HSPA5: variants seen among roughly 807,000 people sequenced by gnomAD.
HSPA5 encodes the protein endoplasmic reticulum chaperone BiP.
HSPA5 carries 16 observed loss-of-function variants against 49.5 expected under a neutral mutation model. The ratio of observed to expected loss-of-function variants is 0.32; its 90% CI spans 0.22 to 0.49. The LOEUF is 0.49. Ranked by LOEUF, HSPA5 falls within the 20% of genes least tolerant of loss-of-function variation. HSPA5 has a pLI of 0.99. For synonymous variants in HSPA5, 271 were observed against 307.2 expected, an observed-to-expected ratio of 0.88 and a Z score of 1.23; for missense variants, 376 against 819.0, an observed-to-expected ratio of 0.46 and a Z score of 6.60.
In HSPA5 at chr9:125,237,222, A is replaced by G. The variant is rs10986663; in HGVS notation, c.1403-68T>C. 10,504 of 1,143,156 alleles carry G rather than the reference A, an allele frequency of 9.2e-3. 508 individuals carry two copies. The Admixed American group carries it at 0.1, about 11-fold the overall frequency. 70.8% of individuals were successfully genotyped at this position (1,143,156 alleles called of 1,614,324 possible). ...AGCATTAGCACATCTAGATCCCCGCATTTCAGTCTGAAGCATAAAGTGACA... is the reference window on the plus strand; with the variant it reads ...AGCATTAGCACATCTAGATCCCCGCGTTTCAGTCTGAAGCATAAAGTGACA... On this transcript the variant is annotated intron_variant, in intron 7 of 7. Coordinates refer to ENST00000324460, the MANE Select transcript of HSPA5 (RefSeq NM_005347.5).
At chr9:125,237,199 C>A in intron 7 of HSPA5, 45 bp from the exon 8 acceptor site, 1 of 1,357,666 alleles carries the variant, frequency 7.4e-7, no homozygotes, top group Non-Finnish European at 1.0e-6. Flanking sequence ...TACTGACAAG[C>A]ATTAGCACAT....
chr9:125,238,423 A>C, intron 6 of HSPA5, 115 bp from the exon 7 acceptor site: 1 of 1,037,614 alleles, frequency 9.6e-7, no homozygotes, highest in Non-Finnish European at 1.4e-6. Context: ...GCAGTGAATT[A>C]AACAGTTGCT....
intron 5 of HSPA5, 41 bp downstream of exon 5, chr9:125,238,900 T>C (rs377636827): frequency 1.7e-4 from 270 of 1,604,812 alleles, no homozygotes; most frequent in Non-Finnish European, 2.1e-4. Flanking sequence ...ATTCAGAGTC[T>C]AAGGAGATCT....
Position 125,238,704 on chromosome 9 carries a change from G to A in HSPA5, c.1120C>T (p.Leu374=), listed in dbSNP as rs1046058280. The part of the protein sequence containing the change: ...GSTRIPKIQQ[L]VKEFFNGKEP... Reference sequence around the variant, plus strand: ...TTGCCATTGAAGAACTCTTTAACCAGTTGCTGAATCTTTGGAATTCGAGTC... The same window carrying A: ...TTGCCATTGAAGAACTCTTTAACCAATTGCTGAATCTTTGGAATTCGAGTC... The change falls in exon 6 of 8, where the codon CTG becomes TTG. Residue 374 remains leucine (L), a synonymous_variant. Coordinates refer to ENST00000324460, the MANE Select transcript of HSPA5 (RefSeq NM_005347.5). 6.2e-7 allele frequency: 1 copy of A among 1,614,136 alleles called. No homozygotes were observed. Among genetic ancestry groups the A allele is most frequent in the South Asian group, 1.1e-5 (1 of 91,078 alleles).
Position 125,241,130 on chromosome 9 carries a change from G to T in HSPA5, c.-4C>A, listed in dbSNP as rs1212742633. 1.4e-5 allele frequency: 22 copies of T among 1,609,958 alleles called. No homozygotes were observed. The highest frequency in any genetic ancestry group is 1.9e-5 in the Non-Finnish European group (22 of 1,178,614). ...CGGCCACCAGGGAGAGCTTCATCTT[G>T]CCAGCCAGTTGGGCAGCAGCAGGCA... On this transcript the variant is annotated 5_prime_UTR_variant, in exon 1 of 8. Transcript: ENST00000324460.
In HSPA5 at chr9:125,238,604, C is replaced by G; in HGVS notation, c.1220G>C (p.Gly407Ala). 6.2e-7 allele frequency: 1 copy of G among 1,613,442 alleles called. No homozygotes were observed. Among genetic ancestry groups the G allele is most frequent in the South Asian group, 1.1e-5 (1 of 91,062 alleles). The change falls in exon 6 of 8, where the codon GGT (glycine) becomes GCT (alanine). Residue 407 changes from glycine (G) to alanine (A), a missense_variant. By Grantham distance (60) the Gly-to-Ala change is moderately conservative. Coordinates refer to ENST00000324460, the MANE Select transcript of HSPA5 (RefSeq NM_005347.5). ...GAAVQAGVLS[G>A]DQDTGDLVLL... ...TGATGACCTACCTGTATCTTGATCACCAGAGAGCACACCAGCCTGGACAGC... is the reference window on the plus strand; with the variant it reads ...TGATGACCTACCTGTATCTTGATCAGCAGAGAGCACACCAGCCTGGACAGC...
Position 125,239,894 on chromosome 9 carries a change from A to G in HSPA5, c.492+278T>C, listed in dbSNP as rs2131454591. On this transcript the variant is annotated intron_variant, in intron 3 of 7. Coordinates refer to ENST00000324460, the MANE Select transcript of HSPA5 (RefSeq NM_005347.5). The surrounding 1 kb of genome is among the most constrained non-coding windows in gnomAD (Gnocchi z 5.5). ...CAGAGCAAGACTCCATCTCAAAAAA[A>G]AAAAATTACAGTCAAACCATCACTT... Among the ~76,000 whole-genome samples the G allele has an allele frequency of 6.6e-6, 1 of 152,268 alleles. No homozygotes were observed. Among genetic ancestry groups the G allele is most frequent in the Non-Finnish European group, 1.5e-5 (1 of 68,010 alleles).
Position 125,239,334 on chromosome 9 carries a change from A to G in HSPA5, c.606-3T>C, listed in dbSNP as rs776188137. 7.8e-5 allele frequency: 126 copies of G among 1,611,934 alleles called. No homozygotes were observed. The highest frequency in any genetic ancestry group is 1.0e-4 in the Non-Finnish European group (123 of 1,178,194). The stretch of plus-strand genomic sequence containing the variant: ...CATAAGCAATAGCAGCTGCCGTACT[A>G]TTAGATTGAAAAAGGGAAAAGTTTT... On this transcript the variant is annotated splice_region_variant and splice_polypyrimidine_tract_variant and intron_variant, in intron 4 of 7. Coordinates refer to ENST00000324460, the MANE Select transcript of HSPA5 (RefSeq NM_005347.5). This position sits in a 1 kb window ranked among gnomAD's most constrained non-coding sequence, Gnocchi z 5.5.
rs144050975 is a variant in HSPA5, at chr9:125,236,875, G to A, written c.1682C>T (p.Thr561Ile). 2.6e-4 allele frequency: 420 copies of A among 1,613,792 alleles called. No homozygotes were observed. The highest frequency in any genetic ancestry group is 3.2e-4 in the Non-Finnish European group (376 of 1,179,870). ...EDKKLKERID[T>I]RNELESYAYS... ...GGCATAGCTTTCCAACTCATTTCTA[G>A]TATCAATGCGCTCCTTGAGCTTTTT... Residue 561 changes from threonine to isoleucine, a missense_variant, in exon 8 of 8, where the codon ACT (threonine) becomes ATT (isoleucine). Thr to Ile is a moderately conservative substitution (Grantham distance 89). Transcript: ENST00000324460.
chr9:125,238,529 GCTAATGAGT>G, intron 6 of HSPA5, 52 bp downstream of exon 6: 1 of 1,349,538 alleles, frequency 7.4e-7, no homozygotes, highest in Admixed American at 1.7e-5. Flanking sequence ...TAAAGCAATA[GCTAATGAGT>G]CTTCCATCAA....
chr9:125,239,594 A>G lies in HSPA5; in HGVS notation c.493-61T>C. On this transcript the variant is annotated intron_variant, in intron 3 of 7. Coordinates refer to ENST00000324460, the MANE Select transcript of HSPA5 (RefSeq NM_005347.5). This position sits in a 1 kb window ranked among gnomAD's most constrained non-coding sequence, Gnocchi z 5.5. Reference sequence around the variant, plus strand: ...ATAGTTTAACCCTTATTTAAATTACAGTCTGGCCAGGCGGTGGCTTCTGCC... The same window carrying G: ...ATAGTTTAACCCTTATTTAAATTACGGTCTGGCCAGGCGGTGGCTTCTGCC... The G allele has an allele frequency of 7.3e-7, 1 of 1,375,474 alleles. No homozygotes were observed. The highest frequency in any genetic ancestry group is 1.0e-6 in the Non-Finnish European group (1 of 971,350). The allele number at this position is 1,375,474 out of a possible 1,614,324, so 85.2% of individuals were successfully genotyped here.
chr9:125,239,054 C>A lies in HSPA5; in HGVS notation c.883G>T (p.Ala295Ser), dbSNP rs1832531712. The change falls in exon 5 of 8, where the codon GCC (alanine) becomes TCC (serine). Residue 295 changes from alanine to serine, a missense_variant. Ala to Ser is a moderately conservative substitution (Grantham distance 99, BLOSUM62 1). Around this residue, in one of 8 missense-constraint regions of HSPA5, gnomAD observed 89 missense variants for 155.9 expected, o/e 0.57. Transcript: ENST00000324460. This position sits in a 1 kb window ranked among gnomAD's most constrained non-coding sequence, Gnocchi z 5.5. The part of the protein sequence containing the change: ...VQKLRREVEK[A>S]KRALSSQHQA... ...TGCTGAGAAGACAGGGCCCGTTTGG[C>A]CTTTTCTACCTCGCGCCGGAGTTTC... 6.2e-7 allele frequency: 1 copy of A among 1,614,038 alleles called. No individual in the cohort carries two copies. Among genetic ancestry groups the A allele is most frequent in the Non-Finnish European group, 8.5e-7 (1 of 1,180,046 alleles).
Position 125,239,080 on chromosome 9 carries a change from T to G in HSPA5, c.857A>C (p.Gln286Pro). ...CTTTTCTACCTCGCGCCGGAGTTTC[T>G]GCACAGCTCTATTGTCTTTCCTGAC... ...KDVRKDNRAV[Q>P]KLRREVEKAK... is the part of the protein sequence containing the mutation. Residue 286 changes from glutamine (Q) to proline (P), a missense_variant, in exon 5 of 8, where the codon CAG (glutamine) becomes CCG (proline). Physicochemically the swap from Gln to Pro is moderately conservative, Grantham distance 76 (BLOSUM62 -1). Coordinates refer to ENST00000324460, the MANE Select transcript of HSPA5 (RefSeq NM_005347.5). This position sits in a 1 kb window ranked among gnomAD's most constrained non-coding sequence, Gnocchi z 5.5. The G allele has an allele frequency of 6.2e-7, 1 of 1,614,230 alleles. No individual in the cohort carries two copies. Among genetic ancestry groups the G allele is most frequent in the Non-Finnish European group, 8.5e-7 (1 of 1,180,046 alleles).
Position 125,240,768 on chromosome 9 carries a change from G to T in HSPA5, c.262C>A (p.Pro88Thr). 1 of 1,614,254 alleles carries T rather than the reference G, an allele frequency of 6.2e-7. No individual in the cohort carries two copies. The highest frequency in any genetic ancestry group is 8.5e-7 in the Non-Finnish European group (1 of 1,180,046). Residue 88 changes from proline to threonine, a missense_variant, in exon 2 of 8, where the codon CCC becomes ACC. Physicochemically the swap from Pro to Thr is conservative, Grantham distance 38. Transcript: ENST00000324460. This position sits in a 1 kb window ranked among gnomAD's most constrained non-coding sequence, Gnocchi z 4.4. Reference protein sequence around the residue: ...DAAKNQLTSNPENTVFDAKRL... With the variant: ...DAAKNQLTSNTENTVFDAKRL... The stretch of plus-strand genomic sequence containing the variant: ...TTGGCGTCAAAGACCGTGTTCTCGG[G>T]GTTGGAGGTGAGCTGGTTCTTGGCG...
Position 125,236,502 on chromosome 9 carries a change from T to C in HSPA5, c.*90A>G. 1.1e-6 allele frequency: 1 copy of C among 921,204 alleles called. No individual in the cohort carries two copies. 57.1% of individuals were successfully genotyped at this position (921,204 alleles called of 1,614,324 possible). A position where few individuals can be genotyped will look rare whatever the true frequency, so the allele number is the denominator to read the frequency against. On this transcript the variant is annotated 3_prime_UTR_variant, in exon 8 of 8. Coordinates refer to ENST00000324460, the MANE Select transcript of HSPA5 (RefSeq NM_005347.5). ...TCCACTCTGAGGTGAAGATTCCAAT[T>C]ACATTCGAGACTTAAGTTCTTTCAA...
chr9:125,236,650 C>G lies in HSPA5; in HGVS notation c.1907G>C (p.Gly636Ala), dbSNP rs1221171418. 6.2e-7 allele frequency: 1 copy of G among 1,613,358 alleles called. No individual in the cohort carries two copies. The highest frequency in any genetic ancestry group is 8.5e-7 in the Non-Finnish European group (1 of 1,179,742). The change falls in exon 8 of 8, where the codon GGA becomes GCA. Residue 636 changes from glycine (G) to alanine (A), a missense_variant. Coordinates refer to ENST00000324460, the MANE Select transcript of HSPA5 (RefSeq NM_005347.5). Reference sequence around the variant, plus strand: ...ACCAGTTGGGGGAGGGCCTGCACTTCCATAGAGTTTGCTGATAATTGGTTG... The same window carrying G: ...ACCAGTTGGGGGAGGGCCTGCACTTGCATAGAGTTTGCTGATAATTGGTTG... ...IVQPIISKLY[G>A]SAGPPPTGEE...
In HSPA5 at chr9:125,235,380, T is replaced by G. The variant is rs1304762129; in HGVS notation, c.*1212A>C. ...CCACGCCCAGCTAATTTTTGTATTTTCAGTAGAGATGGAGTTTCACCATGT... is the reference window on the plus strand; with the variant it reads ...CCACGCCCAGCTAATTTTTGTATTTGCAGTAGAGATGGAGTTTCACCATGT... On this transcript the variant is annotated 3_prime_UTR_variant, in exon 8 of 8. Transcript: ENST00000324460. 4 of 151,920 alleles carry G rather than the reference T, an allele frequency of 2.6e-5. No individual in the cohort carries two copies. The highest frequency in any genetic ancestry group is 1.5e-5 in the Non-Finnish European group (1 of 68,026). 9.4% of individuals were successfully genotyped at this position (151,920 alleles called of 1,614,324 possible).
rs1254124893 is a variant in HSPA5 at position 125,236,417 on chromosome 9, CAT to C, written c.*173_*174del. 28 of 513,540 alleles carry C rather than the reference CAT, an allele frequency of 5.5e-5. No homozygotes were observed. The highest frequency in any genetic ancestry group is 7.6e-5 in the Admixed American group (2 of 26,398). 31.8% of individuals were successfully genotyped at this position (513,540 alleles called of 1,614,324 possible). A position where few individuals can be genotyped will look rare whatever the true frequency, so the allele number is the denominator to read the frequency against. On this transcript the variant is annotated 3_prime_UTR_variant, in exon 8 of 8. Transcript: ENST00000324460. ...TCTTCTTCTCCCCCCCACCCAAAGA[CAT>C]GTGAGCAACTGCTAATGAAAAGCAG...
At position 125,236,074 on chromosome 9, in the gene HSPA5, AG is replaced by A. The variant is rs1832489288; in HGVS notation, c.*517del. ...TGAGGTGGAAGGATCACTTGGGCCC[AG>A]GAGGGTTAAAAAAAAAAAAAAAAAT... On this transcript the variant is annotated 3_prime_UTR_variant, in exon 8 of 8. Coordinates refer to ENST00000324460, the MANE Select transcript of HSPA5 (RefSeq NM_005347.5). The A allele has an allele frequency of 9.7e-6, 1 of 103,246 alleles. No homozygotes were observed. 6.4% of individuals were successfully genotyped at this position (103,246 alleles called of 1,614,324 possible).
Sources: allele counts gnomAD v4.1 joint callset (sites outside exome capture counted in the v4.1 genomes callset), GRCh38; gene constraint gnomAD v4.1.1; regional missense constraint gnomAD v4.1.1; non-coding constraint Gnocchi (gnomAD v3.1); transcripts MANE v1.5; gene names NCBI Gene and HGNC (gene_info 2026-07-23, HGNC 2026-07-21).